ZNFX1: variants seen among roughly 807,000 people sequenced by gnomAD.
The protein encoded by ZNFX1 is NFX1-type zinc finger-containing protein 1.
In ZNFX1, 78 loss-of-function variants were observed where a neutral mutation model predicts 179.8. The ratio of observed to expected loss-of-function variants is 0.43; its 90% CI spans 0.36 to 0.52. The LOEUF is 0.52. Among genes scored for constraint, ZNFX1 ranks in the 20% least tolerant of loss-of-function variants. ZNFX1 has a pLI of 0.00. For missense variants in ZNFX1, 1,927 were observed against 2,386.6 expected, an observed-to-expected ratio of 0.81 and a Z score of 4.01; for synonymous variants, 848 against 868.5, an observed-to-expected ratio of 0.98 and a Z score of 0.42.
chr20:49,247,894 G>A lies in ZNFX1; in HGVS notation c.5130C>T (p.Asp1710=). ...GGGAATCCCACAGGCTGGCCAGGTG[G>A]TCATAGAAGCTGATGTAATTCTCAA... is the stretch of plus-strand genomic sequence containing the variant. ...GLVENYISFY[D]HLASLWDSLK... The change falls in exon 14 of 14, where the codon GAC becomes GAT. Residue 1710 remains aspartate, a synonymous_variant. Transcript: ENST00000396105. The A allele has an allele frequency of 6.2e-7, 1 of 1,614,126 alleles. No homozygotes were observed. The highest frequency in any genetic ancestry group is 8.5e-7 in the Non-Finnish European group (1 of 1,180,018).
At chr20:49,250,883 G>A (rs1980820127) in intron 13 of ZNFX1, among the ~76,000 whole-genome samples, 1 of 152,042 alleles carries the variant, frequency 6.6e-6, no homozygotes, top group African/African-American at 2.4e-5. Flanking sequence ...GCTAATTTTT[G>A]TATTTTTAGT....
chr20:49,263,745 T>C (rs1210585998), intron 5 of ZNFX1, among the ~76,000 whole-genome samples: 2 of 152,218 alleles, frequency 1.3e-5, no homozygotes, highest in Non-Finnish European at 2.9e-5. Flanking sequence ...AGGTCTGTAG[T>C]TCAAGACCAG....
At chr20:49,275,109 C>T (rs238190) in intron 2 of ZNFX1, among the ~76,000 whole-genome samples, 100,978 of 150,900 alleles carry the variant, frequency 0.67, 34,698 homozygotes, top group Non-Finnish European at 0.76. Flanking sequence ...GGCGAAAGAG[C>T]GAGACTCTGT....
chr20:49,267,936 C>T lies in ZNFX1; in HGVS notation c.1871-1670G>A, dbSNP rs557815826. 3.3e-5 allele frequency among the ~76,000 whole-genome samples: 5 copies of T among 151,218 alleles called. No homozygotes were observed. The South Asian group carries it at 6.3e-4, about 19-fold the overall frequency. ...TTGCCCAGGCTAGAGTGCAGTGGAG[C>T]GATCTCAGCTCACTGCAAGCTCCGC... On this transcript the variant is annotated intron_variant, in intron 3 of 13. Transcript: ENST00000396105.
Position 49,247,473 on chromosome 20 carries a change from T to C in ZNFX1, c.5551A>G (p.Asn1851Asp), listed in dbSNP as rs1213264963. Residue 1851 changes from asparagine to aspartate, a missense_variant, in exon 14 of 14, where the codon AAT (asparagine) becomes GAT (aspartate). Transcript: ENST00000396105. Reference sequence around the variant, plus strand: ...TCGCCAATCACATAGATATGGCCATTGCGGCACTTGAACCAGTGACCACGA... The same window carrying C: ...TCGCCAATCACATAGATATGGCCATCGCGGCACTTGAACCAGTGACCACGA... ...YPRGHWFKCR[N>D]GHIYVIGDCG... The C allele has an allele frequency of 1.2e-6, 2 of 1,614,198 alleles. No individual in the cohort carries two copies.
chr20:49,253,967 A>G (rs749615014), intron 10 of ZNFX1, among the ~76,000 whole-genome samples, 156 bp from the exon 11 acceptor site: 2 of 151,690 alleles, frequency 1.3e-5, no homozygotes, highest in African/African-American at 2.4e-5. Context: ...GAACATTAAA[A>G]CTGTGTTGGT....
intron 3 of ZNFX1, among the ~76,000 whole-genome samples, chr20:49,267,074 T>A (rs778415642): frequency 1.8e-4 from 27 of 152,002 alleles, no homozygotes; most frequent in Middle Eastern, 6.8e-3. Context: ...TTTTTGTATT[T>A]TTAGTATAGA....
Position 49,247,778 on chromosome 20 carries a change from G to A in ZNFX1, c.5246C>T (p.Thr1749Ile), listed in dbSNP as rs1186794520. The A allele has an allele frequency of 1.9e-6, 3 of 1,614,180 alleles. No individual in the cohort carries two copies. The highest frequency in any genetic ancestry group is 2.2e-5 in the South Asian group (2 of 91,082). The change falls in exon 14 of 14, where the codon ACT (threonine) becomes ATT (isoleucine). Residue 1749 changes from threonine to isoleucine, a missense_variant. Transcript: ENST00000396105. ...TCGGAGGTCACTTAGTTCCTGGCTA[G>A]TGAAGCTCAAGCGCTTCTTGGCCAG... ...EWLAKKRLSF[T>I]SQELSDLRSE...
At chr20:49,255,474 A>G (rs1012098681) in intron 9 of ZNFX1, among the ~76,000 whole-genome samples, 2 of 140,946 alleles carry the variant, frequency 1.4e-5, no homozygotes, top group African/African-American at 5.2e-5. Context: ...GGTGTGAGTC[A>G]TTGTGCCTGT....
Position 49,260,539 on chromosome 20 carries a change from G to A in ZNFX1, c.2340C>T (p.Ser780=), listed in dbSNP as rs949014823. 14 of 1,612,836 alleles carry A rather than the reference G, an allele frequency of 8.7e-6. No individual in the cohort carries two copies. In the African/African-American group the frequency reaches 1.7e-4, roughly 20 times the overall value. Residue 780 remains serine (S), a synonymous_variant, in exon 7 of 14, where the codon TCC becomes TCT. Coordinates refer to ENST00000396105, the MANE Select transcript of ZNFX1 (RefSeq NM_021035.3). The part of the protein sequence containing the change: ...EWICFQHWKH[S]MMLEWLGLGV... ...CAAGACCTAGCCACTCCAGCATCAT[G>A]GAATGCTTCCAGTGCTGGAAGCAAA...
intron 3 of ZNFX1, 145 bp downstream of exon 3, chr20:49,269,797 C>T: frequency 5.2e-6 from 5 of 958,314 alleles, no homozygotes; most frequent in Non-Finnish European, 7.6e-6. Flanking sequence ...TGTAACAAAC[C>T]TGCACATGTA....
Position 49,249,095 on chromosome 20 carries a change from T to C in ZNFX1, c.3929A>G (p.Asp1310Gly). The C allele has an allele frequency of 6.2e-7, 1 of 1,614,082 alleles. No individual in the cohort carries two copies. Among genetic ancestry groups the C allele is most frequent in the Admixed American group, 1.7e-5 (1 of 60,016 alleles). ...HVCTRACHPY[D>G]SSHKEFQCMK... ...GCATTGGAACTCCTTGTGTGAAGAG[T>C]CATAAGGGTGGCAGGCACGGGTGCA... The change falls in exon 14 of 14, where the codon GAC (aspartate) becomes GGC (glycine). Residue 1310 changes from aspartate to glycine, a missense_variant. Asp to Gly is a moderately conservative substitution (Grantham distance 94, BLOSUM62 -1). Coordinates refer to ENST00000396105, the MANE Select transcript of ZNFX1 (RefSeq NM_021035.3).
chr20:49,271,777 C>A, intron 2 of ZNFX1, 27 bp from the exon 3 acceptor site: 2 of 1,561,228 alleles, frequency 1.3e-6, no homozygotes, highest in South Asian at 1.2e-5. Flanking sequence ...ATTGAGTAAC[C>A]ACAAGAACCA....
intron 10 of ZNFX1, among the ~76,000 whole-genome samples, chr20:49,254,272 C>A (rs1164069999): frequency 1.3e-5 from 2 of 152,238 alleles, no homozygotes; most frequent in Non-Finnish European, 2.9e-5. Context: ...GGTGATCCAC[C>A]TGCCTTGGCC....
Position 49,247,634 on chromosome 20 carries a change from T to G in ZNFX1, c.5390A>C (p.Lys1797Thr). ...EVYSVQNILEKTCKFTQEDEQ... is the reference protein window; with the variant it reads ...EVYSVQNILETTCKFTQEDEQ... ...ATCCTCTTGGGTGAACTTACATGTT[T>G]TCTCAAGGATATTCTGGACACTATA... Residue 1797 changes from lysine to threonine, a missense_variant, in exon 14 of 14, where the codon AAA (lysine) becomes ACA (threonine). Coordinates refer to ENST00000396105, the MANE Select transcript of ZNFX1 (RefSeq NM_021035.3). The G allele has an allele frequency of 1.2e-6, 2 of 1,614,218 alleles. No individual in the cohort carries two copies. The highest frequency in any genetic ancestry group is 1.7e-6 in the Non-Finnish European group (2 of 1,180,046).
rs1039132686 is a variant in ZNFX1, at chr20:49,246,023, T to C, written c.*1244A>G. The C allele has an allele frequency of 3.3e-5, 5 of 152,586 alleles. No individual in the cohort carries two copies. Among genetic ancestry groups the C allele is most frequent in the African/African-American group, 1.2e-4 (5 of 41,454 alleles). 9.5% of individuals were successfully genotyped at this position (152,586 alleles called of 1,614,324 possible). On this transcript the variant is annotated 3_prime_UTR_variant, in exon 14 of 14. Coordinates refer to ENST00000396105, the MANE Select transcript of ZNFX1 (RefSeq NM_021035.3). ...ACCTGAGATACCTAAATGTCTGTTC[T>C]AAGGAACACTGGAAGGAGGGAATGC...
chr20:49,253,906 T>C, intron 10 of ZNFX1, 95 bp from the exon 11 acceptor site: 1 of 1,431,386 alleles, frequency 7.0e-7, no homozygotes, highest in Non-Finnish European at 9.5e-7. Flanking sequence ...GTATCTTCCC[T>C]GAACCTGCAT....
In ZNFX1 at chr20:49,248,246, T is replaced by G; in HGVS notation, c.4778A>C (p.His1593Pro). 1 of 1,614,156 alleles carries G rather than the reference T, an allele frequency of 6.2e-7. No homozygotes were observed. Among genetic ancestry groups the G allele is most frequent in the Non-Finnish European group, 8.5e-7 (1 of 1,180,014 alleles). Residue 1593 changes from histidine (H) to proline (P), a missense_variant, in exon 14 of 14, where the codon CAC (histidine) becomes CCC (proline). Physicochemically the swap from His to Pro is moderately conservative, Grantham distance 77. Coordinates refer to ENST00000396105, the MANE Select transcript of ZNFX1 (RefSeq NM_021035.3). This position sits in a 1 kb window ranked among gnomAD's most constrained non-coding sequence, Gnocchi z 4.6. ...ARFVQLEDCSHIFEVQALDRY... is the reference protein window; with the variant it reads ...ARFVQLEDCSPIFEVQALDRY... ...GTCTAGGGCTTGCACCTCAAAGATG[T>G]GGCTGCAGTCTTCCAGCTGCACAAA...
intron 3 of ZNFX1, among the ~76,000 whole-genome samples, chr20:49,269,365 G>C (rs1484568788): frequency 3.9e-5 from 6 of 152,128 alleles, no homozygotes; most frequent in Non-Finnish European, 7.4e-5. Flanking sequence ...GGATAGAGTG[G>C]GAGGAGGGTG....
Sources: allele counts gnomAD v4.1 joint callset (sites outside exome capture counted in the v4.1 genomes callset), GRCh38; gene constraint gnomAD v4.1.1; non-coding constraint Gnocchi (gnomAD v3.1); transcripts MANE v1.5; gene names NCBI Gene and HGNC (gene_info 2026-07-23, HGNC 2026-07-21).